Variants in FTO observed in about 807,000 individuals in gnomAD.
FTO encodes FTO alpha-ketoglutarate dependent dioxygenase.
A neutral mutation model predicts 63.9 loss-of-function variants in FTO; 47 were observed. The observed-to-expected ratio is 0.74, with a 90% CI of 0.58 to 0.94. FTO has a LOEUF of 0.94. Ranked by LOEUF, FTO falls within the 40% of genes least tolerant of loss-of-function variation. The pLI is 0.00. For synonymous variants in FTO, 207 were observed against 224.4 expected (o/e 0.92, Z 0.69); for missense variants, 562 against 618.1 (o/e 0.91, Z 0.96).
intron 3 of FTO, among the ~76,000 whole-genome samples, chr16:53,834,564 C>T (rs1434912001): frequency 6.6e-6 from 1 of 152,174 alleles, no homozygotes; most frequent in Non-Finnish European, 1.5e-5. Context: ...GAATTAAACA[C>T]TTGTAAAGTG....
chr16:53,855,922 T>C (rs1319688696), intron 4 of FTO, among the ~76,000 whole-genome samples: 1 of 152,192 alleles, frequency 6.6e-6, no homozygotes, highest in Non-Finnish European at 1.5e-5. Context: ...TACTATGCAT[T>C]TTGAAATTTT....
chr16:53,903,534 C>T (rs1015109056), intron 7 of FTO, among the ~76,000 whole-genome samples: 4 of 152,224 alleles, frequency 2.6e-5, no homozygotes, highest in African/African-American at 9.6e-5. Flanking sequence ...GCTGGGATTA[C>T]AGGCGTGAGC....
intron 8 of FTO, among the ~76,000 whole-genome samples, chr16:54,075,704 C>T (rs751761223): frequency 1.1e-4 from 17 of 152,154 alleles, no homozygotes; most frequent in Non-Finnish European, 1.9e-4. Flanking sequence ...GGTGATGTCA[C>T]CGCATGCTTC....
intron 1 of FTO, among the ~76,000 whole-genome samples, chr16:53,759,642 C>T (rs1343743091): frequency 2.1e-5 from 3 of 139,702 alleles, no homozygotes; most frequent in Non-Finnish European, 3.0e-5. Context: ...TGCAGTGAGC[C>T]GAGATCGTGC....
chr16:53,841,691 GA>G (rs1798197756), intron 3 of FTO, among the ~76,000 whole-genome samples: 1 of 152,090 alleles, frequency 6.6e-6, no homozygotes, highest in Non-Finnish European at 1.5e-5. Flanking sequence ...GGTAGAGTAC[GA>G]CATTCAGAAT....
chr16:53,718,410 G>T (rs750606967), intron 1 of FTO, among the ~76,000 whole-genome samples: 4 of 151,984 alleles, frequency 2.6e-5, no homozygotes, highest in Non-Finnish European at 4.4e-5. Flanking sequence ...AATAGTTTTG[G>T]ATGATTTTCT....
intron 1 of FTO, among the ~76,000 whole-genome samples, chr16:53,772,626 G>T (rs1010069496): frequency 6.6e-6 from 1 of 152,082 alleles, no homozygotes; most frequent in Non-Finnish European, 1.5e-5. Context: ...CTTTTCACTA[G>T]ACCATTAGCT....
At chr16:53,909,984 C>T (rs1018330112) in intron 7 of FTO, among the ~76,000 whole-genome samples, 1 of 152,004 alleles carries the variant, frequency 6.6e-6, no homozygotes, top group Non-Finnish European at 1.5e-5. Flanking sequence ...CTCAAGCGCT[C>T]CTCCTGCCTC....
At chr16:53,900,608 CTTTTTTTTTT>C (rs752080961) in intron 7 of FTO, among the ~76,000 whole-genome samples, 6 of 67,194 alleles carry the variant, frequency 8.9e-5, no homozygotes, top group Admixed American at 2.3e-4. Flanking sequence ...TCATCTGCTC[CTTTTTTTTTT>C]TTTTTTTTTT....
In FTO at chr16:53,805,891, G is replaced by A. The variant is rs193013602; in HGVS notation, c.46-4249G>A. On this transcript the variant is annotated intron_variant, in intron 1 of 8. Transcript: ENST00000471389. Reference sequence around the variant, plus strand: ...GGCTTCACGCTCTCTCTGGCTCTCCGTGTGGCATTTGTGAGCAGCTTGATG... The same window carrying A: ...GGCTTCACGCTCTCTCTGGCTCTCCATGTGGCATTTGTGAGCAGCTTGATG... Among the ~76,000 whole-genome samples, 34 of 152,308 alleles carry A rather than the reference G, an allele frequency of 2.2e-4. 1 individual carries two copies. In the East Asian group the frequency reaches 5.6e-3, roughly 25 times the overall value.
intron 8 of FTO, among the ~76,000 whole-genome samples, chr16:53,950,702 A>G (rs1038248043): frequency 3.9e-5 from 6 of 152,216 alleles, no homozygotes; most frequent in African/African-American, 9.6e-5. Context: ...TAACACACAA[A>G]TAGAACAGTC....
intron 3 of FTO, among the ~76,000 whole-genome samples, chr16:53,830,836 CAGTGAGCTGAGATTGCG>C (rs1421605087): frequency 6.9e-6 from 1 of 145,536 alleles, no homozygotes; most frequent in Non-Finnish European, 1.6e-5. Context: ...GCAGAGGTTG[CAGTGAGCTGAGATTGCG>C]CCACTGTACT....
Position 53,888,825 on chromosome 16 carries a change from T to C in FTO, c.1120-7T>C. On this transcript the variant is annotated splice_polypyrimidine_tract_variant and splice_region_variant and intron_variant, in intron 6 of 8. Coordinates refer to ENST00000471389, the MANE Select transcript of FTO (RefSeq NM_001080432.3). ...TAAAACCACCATCTTCTCTTTATGGTCCACAGGTCGAGTTTGAGTGGCTGA... is the reference window on the plus strand; with the variant it reads ...TAAAACCACCATCTTCTCTTTATGGCCCACAGGTCGAGTTTGAGTGGCTGA... 4.3e-6 allele frequency: 7 copies of C among 1,614,008 alleles called. No homozygotes were observed. Among genetic ancestry groups the C allele is most frequent in the Non-Finnish European group, 5.9e-6 (7 of 1,179,874 alleles).
intron 8 of FTO, among the ~76,000 whole-genome samples, chr16:54,022,134 C>CA (rs754059156): frequency 1.4e-4 from 21 of 151,894 alleles, no homozygotes; most frequent in African/African-American, 2.9e-4. Context: ...AAGAAAAAAA[C>CA]AAAAAAACAA....
At chr16:53,960,553 C>A (rs2083050498) in intron 8 of FTO, among the ~76,000 whole-genome samples, 1 of 152,202 alleles carries the variant, frequency 6.6e-6, no homozygotes, top group African/African-American at 2.4e-5. Context: ...CTGAAAGAGG[C>A]TCCCATTGTC....
intron 8 of FTO, among the ~76,000 whole-genome samples, chr16:54,010,972 C>T (rs116916287): frequency 3.9e-5 from 6 of 152,208 alleles, no homozygotes; most frequent in South Asian, 4.2e-4. Flanking sequence ...TGGATTTGGG[C>T]GTTTTAAAAT....
At chr16:54,048,605 T>G (rs2085240641) in intron 8 of FTO, among the ~76,000 whole-genome samples, 1 of 152,180 alleles carries the variant, frequency 6.6e-6, no homozygotes. Flanking sequence ...TTGTTTTGGG[T>G]GAATGTTTTT....
chr16:54,070,260 T>A (rs1173303657), intron 8 of FTO: 3 of 152,184 alleles, frequency 2.0e-5, no homozygotes, highest in African/African-American at 7.2e-5. Flanking sequence ...CCCCAGTGTC[T>A]AATACATATA....
At chr16:53,854,357 G>T (rs1192780070) in intron 4 of FTO, among the ~76,000 whole-genome samples, 1 of 151,912 alleles carries the variant, frequency 6.6e-6, no homozygotes, top group East Asian at 1.9e-4. Context: ...TGCTTTTGGG[G>T]TCCTATTCAT....
Sources: gnomAD v4.1 joint callset for allele counts (sites outside exome capture counted in the v4.1 genomes callset) on GRCh38, gnomAD v4.1.1 for gene constraint, MANE v1.5 for transcripts, NCBI Gene and HGNC (gene_info 2026-07-23, HGNC 2026-07-21) for gene names.